The following CNTN5 variants were observed in gnomAD, a reference collection of about 807,000 sequenced individuals.
The protein encoded by CNTN5 is contactin-5.
A neutral mutation model predicts 129.1 loss-of-function variants in CNTN5; 77 were observed. The ratio of observed to expected loss-of-function variants is 0.60; its 90% CI spans 0.50 to 0.72. CNTN5 has a LOEUF of 0.72. Among genes scored for constraint, CNTN5 ranks in the 30% least tolerant of loss-of-function variants. CNTN5 has a pLI of 0.00. For synonymous variants in CNTN5, 509 were observed against 465.6 expected (o/e 1.09, Z -1.20); for missense variants, 1,478 against 1,328.8 (o/e 1.11, Z -1.75).
At chr11:100,289,306 AC>A (rs1950889171) in intron 18 of CNTN5, among the ~76,000 whole-genome samples, 1 of 152,184 alleles carries the variant, frequency 6.6e-6, no homozygotes, top group African/African-American at 2.4e-5. Flanking sequence ...GACACAACGA[AC>A]AAAGAGAATT....
chr11:99,346,397 C>A (rs986284019), intron 2 of CNTN5, among the ~76,000 whole-genome samples: 6 of 152,240 alleles, frequency 3.9e-5, no homozygotes, highest in African/African-American at 1.4e-4. Context: ...CAATACTCAG[C>A]CTGTTTTGTG....
At chr11:99,895,465 G>C (rs1433496770) in intron 6 of CNTN5, among the ~76,000 whole-genome samples, 1 of 152,162 alleles carries the variant, frequency 6.6e-6, no homozygotes, top group African/African-American at 2.4e-5. Context: ...TCATGGAAAG[G>C]AAACAAAATA....
chr11:99,496,300 A>G (rs958479926), intron 2 of CNTN5, among the ~76,000 whole-genome samples: 4 of 152,144 alleles, frequency 2.6e-5, no homozygotes, highest in Admixed American at 2.6e-4. Context: ...TTTGAGACAG[A>G]GTCTCGTTCT....
In CNTN5 at chr11:99,837,176, CTGTTTCAAA is replaced by C. The variant is rs1947334152; in HGVS notation, c.278-7669_278-7661del. Among the ~76,000 whole-genome samples the C allele has an allele frequency of 5.3e-5, 8 of 152,238 alleles. No individual in the cohort carries two copies. The South Asian group carries it at 1.7e-3, about 32-fold the overall frequency. ...AGCCTCTGTTCACGATGGAGTTGCT[CTGTTTCAAA>C]TGTTTCTGATGATGATATACAGTTC... is the stretch of plus-strand genomic sequence containing the variant. On this transcript the variant is annotated intron_variant, in intron 4 of 24. Transcript: ENST00000524871.
intron 3 of CNTN5, among the ~76,000 whole-genome samples, chr11:99,678,081 G>A (rs1050694828): frequency 6.6e-6 from 1 of 151,640 alleles, no homozygotes; most frequent in Non-Finnish European, 1.5e-5. Context: ...TATTATTTGG[G>A]TACATTTGAC....
At chr11:99,783,270 A>G (rs1313742505) in intron 3 of CNTN5, among the ~76,000 whole-genome samples, 1 of 96,982 alleles carries the variant, frequency 1.0e-5, no homozygotes, top group Middle Eastern at 3.8e-3. Flanking sequence ...CCACAATGAG[A>G]TACCATCTCA....
chr11:99,441,220 G>A (rs79513393), intron 2 of CNTN5, among the ~76,000 whole-genome samples: 3,366 of 152,164 alleles, frequency 0.022, 130 homozygotes, highest in African/African-American at 0.076. Flanking sequence ...TCTAAAGAGC[G>A]TCAAAATATT....
intron 23 of CNTN5, among the ~76,000 whole-genome samples, chr11:100,348,470 C>A (rs928153789): frequency 6.6e-6 from 1 of 151,986 alleles, no homozygotes; most frequent in African/African-American, 2.4e-5. Context: ...TCCTAAATCT[C>A]AACTGATCCA....
chr11:99,266,704 T>A (rs947120477), intron 1 of CNTN5, among the ~76,000 whole-genome samples: 5 of 152,122 alleles, frequency 3.3e-5, no homozygotes, highest in African/African-American at 1.2e-4. Flanking sequence ...GTATATTGCA[T>A]AATGGTTATA....
chr11:99,939,024 C>T (rs1950375625), intron 7 of CNTN5, among the ~76,000 whole-genome samples: 1 of 152,052 alleles, frequency 6.6e-6, no homozygotes, highest in Non-Finnish European at 1.5e-5. Context: ...GGTTTGCCCA[C>T]AGTAGACTGA....
chr11:100,183,797 A>G (rs1447636045), intron 13 of CNTN5, among the ~76,000 whole-genome samples: 1 of 152,154 alleles, frequency 6.6e-6, no homozygotes, highest in East Asian at 1.9e-4. Context: ...AAAGTTGTTG[A>G]AAAATGTTAA....
chr11:99,745,886 T>C (rs1002911733), intron 3 of CNTN5, among the ~76,000 whole-genome samples: 1 of 152,160 alleles, frequency 6.6e-6, no homozygotes, highest in Non-Finnish European at 1.5e-5. Flanking sequence ...AGTGTGATGA[T>C]TGAAAGAATA....
In CNTN5 at chr11:99,325,372, G is replaced by A. The variant is rs1359157329; in HGVS notation, c.-183G>A. On this transcript the variant is annotated 5_prime_UTR_variant, in exon 2 of 25. It removes an upstream start codon present in the reference 5' UTR. Transcript: ENST00000524871. Reference sequence around the variant, plus strand: ...TGTCTTTAAAGGATTGCCATTTAATGCCATTCAAGATCTACTAAGCATCAT... The same window carrying A: ...TGTCTTTAAAGGATTGCCATTTAATACCATTCAAGATCTACTAAGCATCAT... 6.6e-6 allele frequency: 1 copy of A among 151,958 alleles called. No homozygotes were observed. The highest frequency in any genetic ancestry group is 2.4e-5 in the African/African-American group (1 of 41,342). 9.4% of individuals were successfully genotyped at this position (151,958 alleles called of 1,614,324 possible).
chr11:99,910,970 A>G (rs756761981), intron 6 of CNTN5, among the ~76,000 whole-genome samples: 2 of 152,090 alleles, frequency 1.3e-5, no homozygotes, highest in Non-Finnish European at 2.9e-5. Flanking sequence ...AGCAAATACC[A>G]AGTCAGTATT....
intron 3 of CNTN5, among the ~76,000 whole-genome samples, chr11:99,813,580 T>C (rs1021526429): frequency 1.5e-4 from 23 of 152,100 alleles, no homozygotes; most frequent in African/African-American, 5.6e-4. Context: ...TGAGTTCAAG[T>C]AACTGAGACT....
At chr11:99,024,292 G>GT (rs1316009626) in intron 1 of CNTN5, among the ~76,000 whole-genome samples, 3 of 151,984 alleles carry the variant, frequency 2.0e-5, no homozygotes, top group Non-Finnish European at 4.4e-5. Context: ...ATTAGTTTAT[G>GT]TTTTTTCCAG....
intron 16 of CNTN5, among the ~76,000 whole-genome samples, chr11:100,239,135 A>G (rs559973435): frequency 1.3e-4 from 20 of 152,312 alleles, no homozygotes; most frequent in African/African-American, 4.3e-4. Flanking sequence ...ACATCTATTT[A>G]TATTATTAAA....
At chr11:99,778,561 A>T (rs1297730044) in intron 3 of CNTN5, among the ~76,000 whole-genome samples, 1 of 151,740 alleles carries the variant, frequency 6.6e-6, no homozygotes, top group Non-Finnish European at 1.5e-5. Context: ...GCCCTGTTGA[A>T]TCCTGTCTAA....
intron 6 of CNTN5, among the ~76,000 whole-genome samples, chr11:99,875,452 A>T (rs1019798371): frequency 1.3e-5 from 2 of 152,112 alleles, no homozygotes; most frequent in Non-Finnish European, 2.9e-5. Flanking sequence ...TTTTTTCTAT[A>T]TGCTCCTGTT....
Sources: gnomAD v4.1 joint callset for allele counts (sites outside exome capture counted in the v4.1 genomes callset) on GRCh38, gnomAD v4.1.1 for gene constraint, MANE v1.5 for transcripts, NCBI Gene and HGNC (gene_info 2026-07-23, HGNC 2026-07-21) for gene names.